The following SLC25A21 variants were observed in gnomAD, a reference collection of about 807,000 sequenced individuals.
SLC25A21 encodes solute carrier family 25 member 21.
SLC25A21 carries 47 observed loss-of-function variants against 43.8 expected under a neutral mutation model. The ratio of observed to expected loss-of-function variants is 1.07; its 90% CI spans 0.85 to 1.37. The LOEUF (loss-of-function observed/expected upper bound fraction) is 1.37. Among genes scored for constraint, SLC25A21 ranks in the 40% most tolerant of loss-of-function variants. The probability of loss-of-function intolerance (pLI) is 0.00; values close to 1 mark genes in which losing one functional copy is unlikely to be tolerated. For synonymous variants in SLC25A21, 131 were observed against 121.3 expected, an observed-to-expected ratio of 1.08 and a Z score of -0.52; for missense variants, 352 against 350.2, an observed-to-expected ratio of 1.00 and a Z score of -0.04.
At chr14:36,968,201 G>A (rs1178825288) in intron 1 of SLC25A21, among the ~76,000 whole-genome samples, 1 of 152,168 alleles carries the variant, frequency 6.6e-6, no homozygotes, top group Non-Finnish European at 1.5e-5. Flanking sequence ...AAGCGAAAAA[G>A]ATCAAGCAAA....
chr14:37,012,050 GGA>G (rs1960745122), intron 1 of SLC25A21, among the ~76,000 whole-genome samples: 6 of 152,102 alleles, frequency 3.9e-5, no homozygotes, highest in Admixed American at 3.9e-4. Context: ...AAGTTCTGTA[GGA>G]TAGTCAGCTG....
intron 2 of SLC25A21, among the ~76,000 whole-genome samples, chr14:36,818,036 T>C (rs1167368578): frequency 6.6e-6 from 1 of 152,138 alleles, no homozygotes; most frequent in African/African-American, 2.4e-5. Context: ...TACAAAGAAA[T>C]AAGAAAAAGC....
chr14:37,156,155 T>C (rs1440957478), intron 1 of SLC25A21, among the ~76,000 whole-genome samples: 1 of 96,502 alleles, frequency 1.0e-5, no homozygotes, highest in Non-Finnish European at 1.9e-5. Context: ...TGAGACTCCA[T>C]CTCAAAAAAA....
chr14:36,968,671 G>A (rs1959676022), intron 1 of SLC25A21, among the ~76,000 whole-genome samples: 1 of 152,116 alleles, frequency 6.6e-6, no homozygotes, highest in African/African-American at 2.4e-5. Context: ...CTCCTGAGCT[G>A]CAGCTCAGCG....
intron 1 of SLC25A21, among the ~76,000 whole-genome samples, chr14:37,138,542 T>C (rs1460305687): frequency 6.6e-6 from 1 of 152,146 alleles, no homozygotes; most frequent in Non-Finnish European, 1.5e-5. Context: ...GACAGTCTGT[T>C]AATATTTATA....
At chr14:36,916,699 G>A (rs1446397174) in intron 1 of SLC25A21, among the ~76,000 whole-genome samples, 8 of 152,150 alleles carry the variant, frequency 5.3e-5, no homozygotes, top group Non-Finnish European at 1.0e-4. Flanking sequence ...GGTAATTACT[G>A]TATAACTACT....
intron 1 of SLC25A21, among the ~76,000 whole-genome samples, chr14:36,878,390 G>C (rs1305403941): frequency 6.6e-6 from 1 of 152,204 alleles, no homozygotes; most frequent in African/African-American, 2.4e-5. Flanking sequence ...CAGGCAGAGA[G>C]AACAGAAATG....
chr14:36,895,867 T>A (rs1891223886), intron 1 of SLC25A21, among the ~76,000 whole-genome samples: 1 of 152,256 alleles, frequency 6.6e-6, no homozygotes, highest in Admixed American at 6.5e-5. Context: ...AGTTTCTTAA[T>A]CCTGAGTTCT....
chr14:36,937,378 A>G (rs1187435344), intron 1 of SLC25A21, among the ~76,000 whole-genome samples: 1 of 152,226 alleles, frequency 6.6e-6, no homozygotes, highest in African/African-American at 2.4e-5. Context: ...GAGGAAAATA[A>G]ACATGCTTAC....
At chr14:36,708,004 G>A (rs1003598655) in intron 7 of SLC25A21, among the ~76,000 whole-genome samples, 5 of 152,088 alleles carry the variant, frequency 3.3e-5, no homozygotes, top group African/African-American at 1.2e-4. Context: ...GCGCATGTCT[G>A]TAGTCCCAGC....
intron 1 of SLC25A21, among the ~76,000 whole-genome samples, chr14:37,138,661 T>C (rs1462470671): frequency 2.0e-5 from 3 of 152,102 alleles, no homozygotes; most frequent in Non-Finnish European, 4.4e-5. Context: ...GCATTTCTAA[T>C]ACCTCCAACT....
intron 1 of SLC25A21, among the ~76,000 whole-genome samples, chr14:37,113,395 A>C (rs973040231): frequency 6.6e-6 from 1 of 152,176 alleles, no homozygotes; most frequent in African/African-American, 2.4e-5. Flanking sequence ...GATACAGTAG[A>C]TTACAAGATT....
chr14:36,941,862 A>AT (rs1417851690), intron 1 of SLC25A21, among the ~76,000 whole-genome samples: 1 of 152,020 alleles, frequency 6.6e-6, no homozygotes, highest in East Asian at 1.9e-4. Flanking sequence ...TGAAATAAAC[A>AT]TTTTTTCAAA....
intron 1 of SLC25A21, among the ~76,000 whole-genome samples, chr14:37,171,157 A>G (rs1964121940): frequency 1.4e-5 from 2 of 147,082 alleles, no homozygotes; most frequent in African/African-American, 2.5e-5. Context: ...AGGGGAGGGG[A>G]AAGATTTTAC....
chr14:36,990,701 A>G (rs1281893236), intron 1 of SLC25A21, among the ~76,000 whole-genome samples: 1 of 152,094 alleles, frequency 6.6e-6, no homozygotes, highest in Non-Finnish European at 1.5e-5. Flanking sequence ...ACGTAGTAAG[A>G]CCTCATGTCT....
intron 3 of SLC25A21, among the ~76,000 whole-genome samples, chr14:36,761,108 A>C (rs1886139730): frequency 6.6e-6 from 1 of 152,178 alleles, no homozygotes; most frequent in Non-Finnish European, 1.5e-5. Context: ...GGGGCCTCTA[A>C]GGAGCTCAGC....
At chr14:36,779,371 CTA>C (rs575814051) in intron 3 of SLC25A21, among the ~76,000 whole-genome samples, 1 of 142,916 alleles carries the variant, frequency 7.0e-6, no homozygotes, top group Non-Finnish European at 1.5e-5. Flanking sequence ...ATATCTCTCT[CTA>C]TATATACACA....
chr14:36,887,562 CAA>C (rs11425888), intron 1 of SLC25A21, among the ~76,000 whole-genome samples: 10 of 141,896 alleles, frequency 7.0e-5, no homozygotes, highest in Admixed American at 1.4e-4. Context: ...GACTCCATTG[CAA>C]AAAAAAAAAA....
At chr14:37,006,365 C>A (rs904328000) in intron 1 of SLC25A21, among the ~76,000 whole-genome samples, 14 of 151,924 alleles carry the variant, frequency 9.2e-5, no homozygotes, top group African/African-American at 3.4e-4. Context: ...AGTATGAGTC[C>A]TATTTTCCTC....
Sources: allele counts gnomAD v4.1 joint callset (sites outside exome capture counted in the v4.1 genomes callset), GRCh38; gene constraint gnomAD v4.1.1; transcripts MANE v1.5; gene names NCBI Gene and HGNC (gene_info 2026-07-23, HGNC 2026-07-21).